B3GALT1: variants seen among roughly 807,000 people sequenced by gnomAD.
B3GALT1 encodes UDP-Gal:betaGlcNAc beta 1,3-galactosyltransferase, polypeptide 1.
A neutral mutation model predicts 23.2 loss-of-function variants in B3GALT1; 10 were observed. That is an observed-to-expected ratio of 0.43 (90% CI 0.27 to 0.73). The LOEUF is 0.73. B3GALT1 is among the 30% of genes least tolerant of loss of function. The pLI is 0.21. For synonymous variants in B3GALT1, 156 were observed against 141.5 expected (o/e 1.10, Z -0.73); for missense variants, 299 against 405.4 (o/e 0.74, Z 2.25).
At chr2:167,432,924 A>T (rs1424926340) in intron 1 of B3GALT1, among the ~76,000 whole-genome samples, 1 of 152,134 alleles carries the variant, frequency 6.6e-6, no homozygotes, top group Non-Finnish European at 1.5e-5. Flanking sequence ...ACCTACATTG[A>T]CACATGAATA....
chr2:167,399,247 A>G (rs924696231), intron 1 of B3GALT1, among the ~76,000 whole-genome samples: 2 of 152,166 alleles, frequency 1.3e-5, no homozygotes, highest in Non-Finnish European at 1.5e-5. Context: ...GCCTCCGACT[A>G]GAAAACATCT....
chr2:167,630,800 C>T (rs1443489425), intron 2 of B3GALT1, among the ~76,000 whole-genome samples: 1 of 151,728 alleles, frequency 6.6e-6, no homozygotes, highest in Non-Finnish European at 1.5e-5. Context: ...GATCCAAATG[C>T]ATTGATAGGG....
chr2:167,564,788 C>A (rs917760190), intron 2 of B3GALT1, among the ~76,000 whole-genome samples: 1 of 152,196 alleles, frequency 6.6e-6, no homozygotes, highest in Non-Finnish European at 1.5e-5. Flanking sequence ...ACCTAGGAAT[C>A]CCACTTACAA....
rs146339834 is a variant in B3GALT1, at chr2:167,826,831, G to A, written c.-230+8038G>A. Among the ~76,000 whole-genome samples the A allele has an allele frequency of 2.0e-3, 305 of 152,212 alleles. 1 individual carries two copies. Among genetic ancestry groups the A allele is most frequent in the African/African-American group, 6.7e-3 (279 of 41,520 alleles). ...TTTACATAACATTTACATTGTATTA[G>A]GTATTATAACTAATCTAGAGATGAT... On this transcript the variant is annotated intron_variant, in intron 4 of 4. Coordinates refer to ENST00000392690, the MANE Select transcript of B3GALT1 (RefSeq NM_020981.4).
chr2:167,689,277 G>T (rs1021719171), intron 3 of B3GALT1, among the ~76,000 whole-genome samples: 5 of 152,036 alleles, frequency 3.3e-5, no homozygotes, highest in Admixed American at 2.0e-4. Context: ...GCTGAAAGAA[G>T]AAAATAGCTA....
At chr2:167,597,386 A>T (rs1373621502) in intron 2 of B3GALT1, among the ~76,000 whole-genome samples, 1 of 152,100 alleles carries the variant, frequency 6.6e-6, no homozygotes, top group Non-Finnish European at 1.5e-5. Context: ...AAGTGCTGGG[A>T]TTACAGGCAT....
chr2:167,506,375 A>G (rs1699918253), intron 2 of B3GALT1, among the ~76,000 whole-genome samples: 1 of 152,224 alleles, frequency 6.6e-6, no homozygotes, highest in Non-Finnish European at 1.5e-5. Flanking sequence ...CTAAAATTAA[A>G]TACTTCTTAA....
At chr2:167,347,233 C>G (rs1011122214) in intron 1 of B3GALT1, among the ~76,000 whole-genome samples, 2 of 152,090 alleles carry the variant, frequency 1.3e-5, no homozygotes, top group Non-Finnish European at 2.9e-5. Context: ...AGGTTATTAC[C>G]TCACTCTAAT....
At chr2:167,607,666 CA>C (rs1684990326) in intron 2 of B3GALT1, among the ~76,000 whole-genome samples, 1 of 152,164 alleles carries the variant, frequency 6.6e-6, no homozygotes, top group Non-Finnish European at 1.5e-5. Context: ...TACTACAATG[CA>C]TTAGTGCTTC....
At chr2:167,561,161 C>T (rs994992094) in intron 2 of B3GALT1, among the ~76,000 whole-genome samples, 4 of 152,134 alleles carry the variant, frequency 2.6e-5, no homozygotes, top group Non-Finnish European at 2.9e-5. Flanking sequence ...CACTCAAAAC[C>T]ACTCAACTAC....
intron 2 of B3GALT1, among the ~76,000 whole-genome samples, chr2:167,626,653 A>G (rs1558929039): frequency 2.6e-5 from 4 of 151,902 alleles, no homozygotes; most frequent in East Asian, 1.9e-4. Context: ...ACTGTTTGCT[A>G]TCTTTCTGTT....
chr2:167,513,066 C>A (rs1574112087), intron 2 of B3GALT1, among the ~76,000 whole-genome samples: 2 of 101,762 alleles, frequency 2.0e-5, no homozygotes, highest in Non-Finnish European at 3.7e-5. Context: ...GTATTCATGC[C>A]ACAAAAAAAA....
At chr2:167,575,559 G>A in intron 2 of B3GALT1, among the ~76,000 whole-genome samples, 1 of 151,768 alleles carries the variant, frequency 6.6e-6, no homozygotes. Flanking sequence ...TCATACAGTG[G>A]ATCAACTAGC....
chr2:167,734,787 A>G (rs574922955), intron 3 of B3GALT1, among the ~76,000 whole-genome samples: 1 of 152,302 alleles, frequency 6.6e-6, no homozygotes, highest in South Asian at 2.1e-4. Context: ...GACATGTTCC[A>G]AGTATGTTGA....
At chr2:167,842,473 C>T (rs1002306267) in intron 4 of B3GALT1, among the ~76,000 whole-genome samples, 3 of 152,222 alleles carry the variant, frequency 2.0e-5, no homozygotes, top group Admixed American at 6.5e-5. Context: ...AGGACAGGAG[C>T]GCCTGCACTT....
chr2:167,526,107 T>C (rs921289788), intron 2 of B3GALT1, among the ~76,000 whole-genome samples: 13 of 152,126 alleles, frequency 8.5e-5, no homozygotes, highest in African/African-American at 3.1e-4. Context: ...TATTTATAAA[T>C]GAAAATCTGG....
intron 3 of B3GALT1, among the ~76,000 whole-genome samples, chr2:167,674,176 C>T (rs1686383682): frequency 6.6e-6 from 1 of 151,958 alleles, no homozygotes; most frequent in African/African-American, 2.4e-5. Context: ...TATTTAGGGC[C>T]TTTGCAACTG....
chr2:167,706,023 A>G (rs1686962312), intron 3 of B3GALT1, among the ~76,000 whole-genome samples: 2 of 152,206 alleles, frequency 1.3e-5, no homozygotes, highest in Non-Finnish European at 2.9e-5. Flanking sequence ...GCCTGAAGCA[A>G]TCTAGGTTTG....
intron 2 of B3GALT1, among the ~76,000 whole-genome samples, chr2:167,555,782 G>A (rs1009780542): frequency 8.5e-5 from 13 of 152,144 alleles, no homozygotes; most frequent in Non-Finnish European, 1.3e-4. Flanking sequence ...ACCATATGGC[G>A]TGTTAATATA....
Sources: gnomAD v4.1 joint callset for allele counts (sites outside exome capture counted in the v4.1 genomes callset) on GRCh38, gnomAD v4.1.1 for gene constraint, MANE v1.5 for transcripts, NCBI Gene and HGNC (gene_info 2026-07-23, HGNC 2026-07-21) for gene names.